TESPA1: variants seen among roughly 807,000 people sequenced by gnomAD.
The protein encoded by TESPA1 is protein TESPA1.
In TESPA1, 33 loss-of-function variants were observed where a neutral mutation model predicts 57.9. The observed-to-expected ratio is 0.57, with a 90% CI of 0.43 to 0.76. TESPA1 has a LOEUF of 0.76. TESPA1 is among the 30% of genes least tolerant of loss of function. The pLI, the probability that TESPA1 is intolerant of heterozygous loss-of-function variation, is 0.00. For missense variants in TESPA1, 618 were observed against 632.9 expected (o/e 0.98, Z 0.25); for synonymous variants, 227 against 228.9 (o/e 0.99, Z 0.07).
At chr12:54,982,364 GA>G (rs528232195) in intron 1 of TESPA1, among the ~76,000 whole-genome samples, 1 of 152,132 alleles carries the variant, frequency 6.6e-6, no homozygotes, top group South Asian at 2.1e-4. Context: ...GTAAATAACA[GA>G]AAGAAAAAAT....
At chr12:54,965,277 C>T (rs895930645) in intron 7 of TESPA1, among the ~76,000 whole-genome samples, 3 of 152,054 alleles carry the variant, frequency 2.0e-5, no homozygotes, top group Admixed American at 6.6e-5. Flanking sequence ...TTTGCTGCAC[C>T]TATCAACCCA....
In TESPA1 at chr12:54,969,033, A is replaced by G. The variant is rs1408157350; in HGVS notation, c.207-1141T>C. Among the ~76,000 whole-genome samples the G allele has an allele frequency of 1.7e-4, 21 of 120,862 alleles. 2 individuals carry two copies. The Middle Eastern group carries it at 0.029, about 166-fold the overall frequency. The allele number at this position is 120,862 out of a possible 152,430, so 79.3% of individuals were successfully genotyped here. ...CATATTTATATATGTATATATATAT[A>G]TATATATATATATGTGTGTGTGTAG... On this transcript the variant is annotated intron_variant, in intron 3 of 10. Coordinates refer to ENST00000449076, the MANE Select transcript of TESPA1 (RefSeq NM_001136030.3).
chr12:54,959,373 T>C lies in TESPA1; in HGVS notation c.*1+1795A>G, dbSNP rs1340645758. Among the ~76,000 whole-genome samples, 4 of 152,336 alleles carry C rather than the reference T, an allele frequency of 2.6e-5. No individual in the cohort carries two copies. In the East Asian group the frequency reaches 7.7e-4, roughly 29 times the overall value. On this transcript the variant is annotated intron_variant, in intron 10 of 10. Coordinates refer to ENST00000449076, the MANE Select transcript of TESPA1 (RefSeq NM_001136030.3). ...CGAGGGAAGACTTTGTTAAGAGGAA[T>C]AGAATGCTCTGCTGCATTTCAAAAT...
chr12:54,979,599 G>A (rs1952242747), intron 1 of TESPA1, among the ~76,000 whole-genome samples: 1 of 152,146 alleles, frequency 6.6e-6, no homozygotes, highest in African/African-American at 2.4e-5. Flanking sequence ...TTCTTGTTCT[G>A]AGGATGCTAT....
At chr12:54,969,241 A>G (rs1196607413) in intron 3 of TESPA1, among the ~76,000 whole-genome samples, 2 of 151,666 alleles carry the variant, frequency 1.3e-5, no homozygotes, top group African/African-American at 4.8e-5. Context: ...ATGCACCTAG[A>G]ACTATAAATA....
chr12:54,981,813 C>T (rs1056207452), intron 1 of TESPA1: 1 of 152,286 alleles, frequency 6.6e-6, no homozygotes, highest in Non-Finnish European at 1.5e-5. Context: ...TCCTTTATAT[C>T]ATACAGCCTT....
chr12:54,980,957 CTTCTTT>C (rs147507904), intron 1 of TESPA1, among the ~76,000 whole-genome samples: 1 of 152,032 alleles, frequency 6.6e-6, no homozygotes, highest in Non-Finnish European at 1.5e-5. Flanking sequence ...ACCTAAGTTT[CTTCTTT>C]TTCTTTTTCT....
rs370590552 is a variant in TESPA1, at chr12:54,969,021, G to GTGTGTA, written c.207-1130_207-1129insTACACA. Among the ~76,000 whole-genome samples the GTGTGTA allele has an allele frequency of 7.2e-5, 6 of 83,676 alleles. 1 individual carries two copies. The highest frequency in any genetic ancestry group is 2.7e-4 in the African/African-American group (6 of 21,944). The allele number at this position is 83,676 out of a possible 152,430, so 54.9% of individuals were successfully genotyped here. A position where few individuals can be genotyped will look rare whatever the true frequency, so the allele number is the denominator to read the frequency against. On this transcript the variant is annotated intron_variant, in intron 3 of 10. Coordinates refer to ENST00000449076, the MANE Select transcript of TESPA1 (RefSeq NM_001136030.3). ...AATAAGTCACTACATATTTATATAT[G>GTGTGTA]TATATATATATATATATATATATAT... is the stretch of plus-strand genomic sequence containing the variant.
chr12:54,972,597 A>G (rs1284303201), intron 3 of TESPA1, among the ~76,000 whole-genome samples: 1 of 152,208 alleles, frequency 6.6e-6, no homozygotes, highest in African/African-American at 2.4e-5. Context: ...TATGAATAAG[A>G]TGAGGGCAAT....
At chr12:54,984,370 G>T (rs1952422628) in intron 1 of TESPA1, among the ~76,000 whole-genome samples, 1 of 152,142 alleles carries the variant, frequency 6.6e-6, no homozygotes, top group East Asian at 1.9e-4. Flanking sequence ...TGATAATAAA[G>T]AGAAAACAAA....
At chr12:54,953,972 A>T (rs781774871) in intron 10 of TESPA1, among the ~76,000 whole-genome samples, 1 of 152,262 alleles carries the variant, frequency 6.6e-6, no homozygotes, top group Admixed American at 6.5e-5. Flanking sequence ...AGCTCAAAGC[A>T]TCCTGTGAAC....
At position 54,962,591 on chromosome 12, in the gene TESPA1, C is replaced by T. The variant is rs1312016313; in HGVS notation, c.1307G>A (p.Ser436Asn). ...CTGGAAGAGGCTCTTTCTTGCTCTG[C>T]TCTTTCTTTTCCAGAAAGTCTCATC... is the stretch of plus-strand genomic sequence containing the variant. ...AKDETFWKRK[S>N]RARKSLFQKN... Residue 436 changes from serine (S) to asparagine (N), a missense_variant, in exon 9 of 11, where the codon AGC becomes AAC. Around this residue, in one of 3 missense-constraint regions of TESPA1, gnomAD observed 409 missense variants for 420.1 expected, o/e 0.97. Coordinates refer to ENST00000449076, the MANE Select transcript of TESPA1 (RefSeq NM_001136030.3). The T allele has an allele frequency of 6.2e-7, 1 of 1,613,974 alleles. No individual in the cohort carries two copies. The highest frequency in any genetic ancestry group is 1.1e-5 in the South Asian group (1 of 91,078).
intron 2 of TESPA1, chr12:54,973,781 G>C (rs531511662): frequency 2.4e-6 from 3 of 1,237,614 alleles, no homozygotes; most frequent in African/African-American, 3.1e-5. Context: ...GCTGTCTTTT[G>C]AGAGTTCCTT....
At chr12:54,969,162 A>G (rs528174463) in intron 3 of TESPA1, among the ~76,000 whole-genome samples, 1 of 151,172 alleles carries the variant, frequency 6.6e-6, no homozygotes, top group Admixed American at 6.6e-5. Flanking sequence ...TATGAAAAAT[A>G]CTACATCAAA....
rs1046077044 is a variant in TESPA1, at chr12:54,961,025, A to G, written c.*1+143T>C. 6 of 962,182 alleles carry G rather than the reference A, an allele frequency of 6.2e-6. No individual in the cohort carries two copies. The African/African-American group carries it at 8.2e-5, about 13-fold the overall frequency. The allele number at this position is 962,182 out of a possible 1,614,324, so 59.6% of individuals were successfully genotyped here. ...CCATAATAGAATTACCTGGAAGCTT[A>G]AAATAATTAGTCATTGGTTTCCAAT... On this transcript the variant is annotated intron_variant, in intron 10 of 10. Coordinates refer to ENST00000449076, the MANE Select transcript of TESPA1 (RefSeq NM_001136030.3).
chr12:54,966,235 C>G (rs1464223642), intron 6 of TESPA1, 84 bp from the exon 7 acceptor site: 1 of 1,559,988 alleles, frequency 6.4e-7, no homozygotes, highest in Admixed American at 1.8e-5. Flanking sequence ...GACTTATTCA[C>G]CCCCTGAACA....
In TESPA1 at chr12:54,966,383, C is replaced by T. The variant is rs754756602; in HGVS notation, c.347+5G>A. The T allele has an allele frequency of 1.9e-6, 3 of 1,613,798 alleles. No individual in the cohort carries two copies. Among genetic ancestry groups the T allele is most frequent in the Non-Finnish European group, 2.5e-6 (3 of 1,179,802 alleles). On this transcript the variant is annotated splice_donor_5th_base_variant and intron_variant, in intron 6 of 10. Coordinates refer to ENST00000449076, the MANE Select transcript of TESPA1 (RefSeq NM_001136030.3). The stretch of plus-strand genomic sequence containing the variant: ...TCATTCACCCTGGCTGAACCTAACA[C>T]TTACCTGGAGAAGAGTTTGCCATTG...
chr12:54,949,681 T>C lies in TESPA1; in HGVS notation c.*711A>G, dbSNP rs951843376. ...TTCTGCCAACAGAAATAGCATTTTT[T>C]CCCCCCACAATGGCTAGGAGAAGAG... On this transcript the variant is annotated 3_prime_UTR_variant, in exon 11 of 11. Coordinates refer to ENST00000449076, the MANE Select transcript of TESPA1 (RefSeq NM_001136030.3). The C allele has an allele frequency of 5.2e-5, 8 of 152,480 alleles. No individual in the cohort carries two copies. Among genetic ancestry groups the C allele is most frequent in the Non-Finnish European group, 8.8e-5 (6 of 68,014 alleles). 9.4% of individuals were successfully genotyped at this position (152,480 alleles called of 1,614,324 possible). A position where few individuals can be genotyped will look rare whatever the true frequency, so the allele number is the denominator to read the frequency against.
chr12:54,968,012 T>G, intron 3 of TESPA1, 120 bp from the exon 4 acceptor site: 3 of 1,544,408 alleles, frequency 1.9e-6, no homozygotes, highest in South Asian at 2.4e-5. Context: ...GTATTTAATT[T>G]GCTTTTATGT....
Sources: gnomAD v4.1 joint callset for allele counts (sites outside exome capture counted in the v4.1 genomes callset) on GRCh38, gnomAD v4.1.1 for gene constraint, gnomAD v4.1.1 regional missense constraint, MANE v1.5 for transcripts, NCBI Gene and HGNC (gene_info 2026-07-23, HGNC 2026-07-21) for gene names.